Variants in COL5A2 observed in about 807,000 individuals in gnomAD.
COL5A2 encodes collagen type V alpha 2 chain, also known as collagen alpha-2(V) chain.
COL5A2 carries 23 observed loss-of-function variants against 208.2 expected under a neutral mutation model. The ratio of observed to expected loss-of-function variants is 0.11; its 90% CI spans 0.08 to 0.16. COL5A2 has a LOEUF of 0.16. Among genes scored for constraint, COL5A2 ranks in the 10% least tolerant of loss-of-function variants. COL5A2 has a pLI of 1.00. For missense variants in COL5A2, 1,590 were observed against 1,956.4 expected (o/e 0.81, Z 3.53); for synonymous variants, 625 against 628.5 (o/e 0.99, Z 0.08).
chr2:189,267,404 T>C, the COL5A2 span, among the ~76,000 whole-genome samples: 5 of 152,138 alleles, frequency 3.3e-5, no homozygotes, highest in African/African-American at 1.2e-4. Flanking sequence ...ACATATTTGC[T>C]TATTAAAAAT....
the COL5A2 span, among the ~76,000 whole-genome samples, chr2:189,242,140 T>C: frequency 6.6e-6 from 1 of 152,202 alleles, no homozygotes; most frequent in Admixed American, 6.5e-5. Flanking sequence ...ACATTTTTCA[T>C]CTCCATTTTT....
At chr2:189,144,337 T>C (rs1029807576) in intron 1 of COL5A2, among the ~76,000 whole-genome samples, 5 of 152,136 alleles carry the variant, frequency 3.3e-5, no homozygotes, top group Admixed American at 6.6e-5. Flanking sequence ...ACAAGTTTTG[T>C]TTCTGAGCAA....
intron 1 of COL5A2, among the ~76,000 whole-genome samples, chr2:189,141,999 T>C (rs1023375703): frequency 2.0e-5 from 3 of 152,274 alleles, no homozygotes; most frequent in East Asian, 1.9e-4. Context: ...CCTATGCCTA[T>C]GGTGAGAGAT....
At chr2:189,160,175 C>A (rs1398374863) in intron 1 of COL5A2, among the ~76,000 whole-genome samples, 1 of 152,136 alleles carries the variant, frequency 6.6e-6, no homozygotes, top group Non-Finnish European at 1.5e-5. Context: ...CTGCATCATT[C>A]ATTCCTTGTA....
chr2:189,294,090 GAA>G, the COL5A2 span, among the ~76,000 whole-genome samples: 4 of 48,208 alleles, frequency 8.3e-5, no homozygotes, highest in Admixed American at 2.1e-4. Flanking sequence ...TCCGTCTCAA[GAA>G]AAAAAAAAAA....
the COL5A2 span, among the ~76,000 whole-genome samples, chr2:189,431,492 AGACCTTAAAT>A: frequency 1.3e-5 from 2 of 152,320 alleles, no homozygotes; most frequent in East Asian, 3.9e-4. Context: ...AATGTAGAGA[AGACCTTAAAT>A]GACCTGATAG....
intron 52 of COL5A2, among the ~76,000 whole-genome samples, chr2:189,035,986 C>T (rs1414565113): frequency 1.3e-5 from 2 of 151,984 alleles, no homozygotes; most frequent in African/African-American, 4.8e-5. Flanking sequence ...GACTTCATAA[C>T]ATTACAAAAA....
chr2:189,096,639 G>T (rs1023447110), intron 6 of COL5A2, among the ~76,000 whole-genome samples: 3 of 133,682 alleles, frequency 2.2e-5, no homozygotes, highest in Non-Finnish European at 3.3e-5. Context: ...AAAAAAAAAA[G>T]AAAAAAAAAG....
chr2:189,269,257 T>G, the COL5A2 span, among the ~76,000 whole-genome samples: 1 of 152,122 alleles, frequency 6.6e-6, no homozygotes, highest in Non-Finnish European at 1.5e-5. Context: ...CAAACCTTCC[T>G]TCAAAAATCT....
Position 189,085,143 on chromosome 2 carries a change from G to T in COL5A2, c.798+17C>A. On this transcript the variant is annotated intron_variant, in intron 11 of 53. Coordinates refer to ENST00000374866, the MANE Select transcript of COL5A2 (RefSeq NM_000393.5). Reference sequence around the variant, plus strand: ...CCTCTTCAAAACCTGAATGGAAAATGAGGAAAGGTAGCTTACATCTTCCCC... The same window carrying T: ...CCTCTTCAAAACCTGAATGGAAAATTAGGAAAGGTAGCTTACATCTTCCCC... 6.2e-7 allele frequency: 1 copy of T among 1,608,578 alleles called. No individual in the cohort carries two copies. The highest frequency in any genetic ancestry group is 8.5e-7 in the Non-Finnish European group (1 of 1,176,260).
the COL5A2 span, among the ~76,000 whole-genome samples, chr2:189,243,545 G>C: frequency 1.3e-5 from 2 of 152,232 alleles, no homozygotes; most frequent in South Asian, 4.1e-4. Context: ...CCACCCCTAT[G>C]ATTCAACTAC....
At chr2:189,204,388 C>T (rs1689118481) in intron 1 of COL5A2, among the ~76,000 whole-genome samples, 1 of 152,174 alleles carries the variant, frequency 6.6e-6, no homozygotes, top group Non-Finnish European at 1.5e-5. Context: ...CCCATAGTAC[C>T]TTACTTCTCC....
the COL5A2 span, among the ~76,000 whole-genome samples, chr2:189,285,979 G>A: frequency 1.3e-5 from 2 of 151,832 alleles, no homozygotes; most frequent in East Asian, 1.9e-4. Context: ...TTTGACAAAT[G>A]TCTCTGACAC....
chr2:189,270,044 G>A, the COL5A2 span, among the ~76,000 whole-genome samples: 1 of 152,142 alleles, frequency 6.6e-6, no homozygotes, highest in African/African-American at 2.4e-5. Flanking sequence ...AGTATTCTCT[G>A]ATGGTAGTTT....
the COL5A2 span, among the ~76,000 whole-genome samples, chr2:189,275,206 T>A: frequency 6.6e-6 from 1 of 152,112 alleles, no homozygotes; most frequent in Non-Finnish European, 1.5e-5. Context: ...TACTTTTGCA[T>A]AGAAGTTATT....
At chr2:189,316,098 T>C in the COL5A2 span, among the ~76,000 whole-genome samples, 1 of 152,158 alleles carries the variant, frequency 6.6e-6, no homozygotes, top group African/African-American at 2.4e-5. Context: ...AACTCAGCAA[T>C]TCCATTACTT....
At chr2:189,064,867 G>A (rs1023099346) in intron 24 of COL5A2, 137 bp downstream of exon 24, 1 of 911,338 alleles carries the variant, frequency 1.1e-6, no homozygotes, top group Non-Finnish European at 1.8e-6. Flanking sequence ...GAGAGGATTG[G>A]GGTTAGGCCT....
the COL5A2 span, among the ~76,000 whole-genome samples, chr2:189,406,953 C>G: frequency 6.6e-6 from 1 of 151,980 alleles, no homozygotes; most frequent in Non-Finnish European, 1.5e-5. Flanking sequence ...ACCTAATTGG[C>G]TTGCCTGTTT....
intron 37 of COL5A2, 31 bp downstream of exon 37, chr2:189,053,864 C>T (rs1685842906): frequency 1.3e-6 from 2 of 1,579,936 alleles, no homozygotes; most frequent in Non-Finnish European, 8.7e-7. Context: ...CTCAATCTCA[C>T]ACTAAAGAAC....
Sources: gnomAD v4.1 joint callset for allele counts (sites outside exome capture counted in the v4.1 genomes callset) on GRCh38, gnomAD v4.1.1 for gene constraint, MANE v1.5 for transcripts, NCBI Gene and HGNC (gene_info 2026-07-23, HGNC 2026-07-21) for gene names.